Variants in PWP1 observed in about 807,000 individuals in gnomAD.
The protein encoded by PWP1 is periodic tryptophan protein 1 homolog.
PWP1 carries 47 observed loss-of-function variants against 69.9 expected under a neutral mutation model. The ratio of observed to expected loss-of-function variants is 0.67; its 90% CI spans 0.53 to 0.86. PWP1 has a LOEUF of 0.86. PWP1 is among the 40% of genes least tolerant of loss of function. The pLI is 0.00. For missense variants in PWP1, 551 were observed against 608.8 expected (o/e 0.91, Z 1.00); for synonymous variants, 222 against 208.2 (o/e 1.07, Z -0.57).
chr12:107,702,216 C>A (rs1367581070), intron 8 of PWP1, among the ~76,000 whole-genome samples: 1 of 151,226 alleles, frequency 6.6e-6, no homozygotes, highest in African/African-American at 2.4e-5. Context: ...ATTCTAGGTT[C>A]CTTGCATTTT....
At chr12:107,696,440 G>A in intron 5 of PWP1, 34 bp from the exon 6 acceptor site, 1 of 1,604,614 alleles carries the variant, frequency 6.2e-7, no homozygotes, top group Non-Finnish European at 8.5e-7. Context: ...GACTCATTCT[G>A]ATACATTAAA....
At chr12:107,695,099 CAA>C (rs139780863) in intron 5 of PWP1, among the ~76,000 whole-genome samples, 171 of 118,758 alleles carry the variant, frequency 1.4e-3, no homozygotes, top group South Asian at 1.8e-3. Context: ...ACTAAAAATA[CAA>C]AAAAAAAAAA....
chr12:107,686,689 G>A (rs776111945), intron 1 of PWP1, among the ~76,000 whole-genome samples: 1 of 152,158 alleles, frequency 6.6e-6, no homozygotes, highest in Non-Finnish European at 1.5e-5. Context: ...AAGTCCCGCC[G>A]GGCGCGGTGG....
intron 8 of PWP1, among the ~76,000 whole-genome samples, chr12:107,700,544 A>G (rs761971201): frequency 2.0e-5 from 3 of 152,166 alleles, no homozygotes; most frequent in Non-Finnish European, 4.4e-5. Flanking sequence ...ATTCCATTGT[A>G]TGTAATGTAT....
At chr12:107,710,889 C>A (rs1441393403) in intron 14 of PWP1, among the ~76,000 whole-genome samples, 1 of 152,178 alleles carries the variant, frequency 6.6e-6, no homozygotes, top group Non-Finnish European at 1.5e-5. Flanking sequence ...ATAAGTTTGT[C>A]TTCACACTTT....
intron 13 of PWP1, among the ~76,000 whole-genome samples, chr12:107,709,870 C>T (rs1593151074): frequency 6.6e-6 from 1 of 152,012 alleles, no homozygotes; most frequent in Non-Finnish European, 1.5e-5. Context: ...TTTTTAAGTG[C>T]ATAATTGCCT....
Position 107,703,686 on chromosome 12 carries a change from T to A in PWP1, c.905T>A (p.Val302Asp), listed in dbSNP as rs756904472. Residue 302 changes from valine (V) to aspartate (D), a missense_variant and splice_region_variant, in exon 10 of 15, where the codon GTC (valine) becomes GAC (aspartate). By Grantham distance (152) the Val-to-Asp change is radical. Transcript: ENST00000412830. ...TGCATTTATGTTTCCTCCCTTTAGG[T>A]CCAAACACTGCAGTTTCATCCATTT... ...AASLAVHTDK[V>D]QTLQFHPFEA... 2 of 1,603,700 alleles carry A rather than the reference T, an allele frequency of 1.2e-6. No individual in the cohort carries two copies. Among genetic ancestry groups the A allele is most frequent in the Admixed American group, 3.3e-5 (2 of 59,984 alleles).
At chr12:107,711,489 GCCCTCTCCCC>G in intron 14 of PWP1, among the ~76,000 whole-genome samples, 1 of 152,256 alleles carries the variant, frequency 6.6e-6, no homozygotes, top group Non-Finnish European at 1.5e-5. Flanking sequence ...TCAACAAACA[GCCCTCTCCCC>G]CACAGTTACC....
chr12:107,696,419 T>C, intron 5 of PWP1, 55 bp from the exon 6 acceptor site: 1 of 1,589,996 alleles, frequency 6.3e-7, no homozygotes, highest in Non-Finnish European at 8.5e-7. Context: ...GAGCGGGATG[T>C]GATTTTTGAT....
chr12:107,686,712 A>G (rs920591317), intron 1 of PWP1, among the ~76,000 whole-genome samples: 2 of 152,210 alleles, frequency 1.3e-5, no homozygotes, highest in Non-Finnish European at 2.9e-5. Flanking sequence ...CACGCCTGTA[A>G]TCCCAGCACT....
chr12:107,689,353 A>C (rs1411159984), intron 3 of PWP1, among the ~76,000 whole-genome samples: 1 of 152,154 alleles, frequency 6.6e-6, no homozygotes, highest in Middle Eastern at 3.2e-3. Flanking sequence ...GTTTGGTACT[A>C]TCTGTGGTTT....
At chr12:107,710,057 GTTA>G (rs1328798302) in intron 13 of PWP1, among the ~76,000 whole-genome samples, 2 of 152,092 alleles carry the variant, frequency 1.3e-5, no homozygotes, top group Admixed American at 6.6e-5. Context: ...TGGCATCATT[GTTA>G]TTGTTTAAAA....
chr12:107,698,165 C>T (rs1889629824), intron 7 of PWP1, among the ~76,000 whole-genome samples: 1 of 152,126 alleles, frequency 6.6e-6, no homozygotes, highest in African/African-American at 2.4e-5. Context: ...AGTTCGAGAC[C>T]AGCCTGGCCA....
Position 107,712,405 on chromosome 12 carries a change from T to A in PWP1, c.*185T>A. The A allele has an allele frequency of 2.0e-6, 1 of 512,382 alleles. No homozygotes were observed. Among genetic ancestry groups the A allele is most frequent in the Non-Finnish European group, 3.5e-6 (1 of 287,608 alleles). 31.7% of individuals were successfully genotyped at this position (512,382 alleles called of 1,614,324 possible). On this transcript the variant is annotated 3_prime_UTR_variant, in exon 15 of 15. Transcript: ENST00000412830. ...TCTTTGTGCTTGCTCTTCAGATGGA[T>A]GGTTTGTAAGGCTCTTGTTGCATTT...
chr12:107,699,460 T>C (rs374890386), intron 8 of PWP1, 26 bp downstream of exon 8: 27 of 1,581,250 alleles, frequency 1.7e-5, no homozygotes, highest in East Asian at 8.9e-5. Flanking sequence ...ATTTGAATGA[T>C]TGTAAAAGAC....
chr12:107,692,558 C>G (rs1330157556), intron 3 of PWP1: 1 of 404,246 alleles, frequency 2.5e-6, no homozygotes, highest in Non-Finnish European at 4.4e-6. Context: ...CTAAAAGGGT[C>G]TAATTCCCTG....
intron 11 of PWP1, among the ~76,000 whole-genome samples, chr12:107,706,747 C>G (rs1889832195): frequency 2.0e-5 from 3 of 152,142 alleles, no homozygotes; most frequent in African/African-American, 7.2e-5. Flanking sequence ...CTGTTCTGTT[C>G]TATTGGTCTA....
rs759814442 is a variant in PWP1, at chr12:107,696,563, C to A, written c.592C>A (p.Pro198Thr). ...GAGTGTGGAATGGCTGAATTTTGAT[C>A]CTAGCCCAGATGATTCTACTGGTAA... ...PLSVEWLNFDPSPDDSTGNYI... is the reference protein window; with the variant it reads ...PLSVEWLNFDTSPDDSTGNYI... Residue 198 changes from proline (P) to threonine (T), a missense_variant, in exon 6 of 15, where the codon CCT becomes ACT. Transcript: ENST00000412830. The A allele has an allele frequency of 6.2e-6, 10 of 1,614,086 alleles. No individual in the cohort carries two copies. Among genetic ancestry groups the A allele is most frequent in the Non-Finnish European group, 7.6e-6 (9 of 1,179,986 alleles).
At chr12:107,709,471 C>A (rs1489290180) in intron 13 of PWP1, among the ~76,000 whole-genome samples, 1 of 149,378 alleles carries the variant, frequency 6.7e-6, no homozygotes, top group Non-Finnish European at 1.5e-5. Context: ...CTTGGTAAGG[C>A]TGGGGAGAGG....
Sources: allele counts gnomAD v4.1 joint callset (sites outside exome capture counted in the v4.1 genomes callset), GRCh38; gene constraint gnomAD v4.1.1; transcripts MANE v1.5; gene names NCBI Gene and HGNC (gene_info 2026-07-23, HGNC 2026-07-21).